Variants in SEZ6L2 observed in about 807,000 individuals in gnomAD.
SEZ6L2 encodes seizure related 6 homolog like 2.
Under a neutral mutation model 97.0 loss-of-function variants are expected in SEZ6L2, and 44 were observed. The observed-to-expected ratio is 0.45, with a 90% CI of 0.36 to 0.58. SEZ6L2 has a LOEUF of 0.58. SEZ6L2 is among the 20% of genes least tolerant of loss of function. SEZ6L2 has a pLI of 0.00. For synonymous variants in SEZ6L2, 543 were observed against 546.1 expected, an observed-to-expected ratio of 0.99 and a Z score of 0.08; for missense variants, 1,086 against 1,233.3, an observed-to-expected ratio of 0.88 and a Z score of 1.79.
At chr16:29,879,779 C>T in intron 9 of SEZ6L2, 85 bp downstream of exon 9, 1 of 1,256,338 alleles carries the variant, frequency 8.0e-7, no homozygotes, top group Non-Finnish European at 1.1e-6. Flanking sequence ...GATGTGCAGC[C>T]TTCCTTTCTG....
chr16:29,872,789 GGAGGA>G, intron 14 of SEZ6L2, 46 bp from the exon 15 acceptor site: 1 of 1,527,426 alleles, frequency 6.5e-7, no homozygotes, highest in Admixed American at 1.7e-5. Context: ...GCCAGGGAGG[GGAGGA>G]GGCTGGGAGG....
intron 5 of SEZ6L2, among the ~76,000 whole-genome samples, chr16:29,895,048 G>A (rs924799952): frequency 1.3e-5 from 2 of 151,876 alleles, no homozygotes; most frequent in African/African-American, 2.4e-5. Flanking sequence ...GCATGGTGGC[G>A]GGCGTCTGTA....
At chr16:29,871,838 G>T in intron 17 of SEZ6L2, 110 bp from the exon 18 acceptor site, 1 of 923,464 alleles carries the variant, frequency 1.1e-6, no homozygotes, top group Non-Finnish European at 1.7e-6. Context: ...TTGACCTCTA[G>T]GGGCTGGGGG....
intron 8 of SEZ6L2, among the ~76,000 whole-genome samples, chr16:29,885,278 A>G (rs573509459): frequency 1.3e-5 from 2 of 152,298 alleles, no homozygotes; most frequent in South Asian, 4.1e-4. Flanking sequence ...TATGTCCATC[A>G]CACAGGGAAA....
chr16:29,872,146 G>C, intron 17 of SEZ6L2, 41 bp downstream of exon 17: 1 of 1,479,870 alleles, frequency 6.8e-7, no homozygotes, highest in South Asian at 1.3e-5. Flanking sequence ...AGTCCTGGGA[G>C]AGCCAAGTGG....
At chr16:29,898,281 G>T (rs564396006) in intron 1 of SEZ6L2, among the ~76,000 whole-genome samples, 2 of 152,128 alleles carry the variant, frequency 1.3e-5, no homozygotes, top group African/African-American at 4.8e-5. Flanking sequence ...AGGGGTCGCC[G>T]GTGCTGCCTT....
In SEZ6L2 at chr16:29,871,684, C is replaced by A; in HGVS notation, c.*15G>T. 1 of 1,607,676 alleles carries A rather than the reference C, an allele frequency of 6.2e-7. No homozygotes were observed. The highest frequency in any genetic ancestry group is 1.3e-5 in the African/African-American group (1 of 74,910). On this transcript the variant is annotated 3_prime_UTR_variant, in exon 18 of 18. Coordinates refer to ENST00000617533, the MANE Select transcript of SEZ6L2 (RefSeq NM_001243332.2). ...GGGAGGGGCGTCCTGGGTCCTGCAG[C>A]TGTAGTCTTGGGGTTCAGATGGAAA...
At chr16:29,882,256 C>T (rs1008877404) in intron 8 of SEZ6L2, among the ~76,000 whole-genome samples, 4 of 151,950 alleles carry the variant, frequency 2.6e-5, no homozygotes, top group African/African-American at 9.7e-5. Context: ...CAGGCATGAG[C>T]CACTGTGCCC....
At chr16:29,885,516 G>A (rs1037905374) in intron 8 of SEZ6L2, 70 bp downstream of exon 8, 5 of 1,516,968 alleles carry the variant, frequency 3.3e-6, no homozygotes, top group Admixed American at 3.5e-5. Flanking sequence ...TTGTGCTTCC[G>A]ACTATGCTTG....
At chr16:29,880,748 C>T (rs921119589) in intron 8 of SEZ6L2, among the ~76,000 whole-genome samples, 1 of 151,626 alleles carries the variant, frequency 6.6e-6, no homozygotes, top group Non-Finnish European at 1.5e-5. Context: ...TGAGTCACTG[C>T]GCCCAGCCTG....
chr16:29,895,050 G>A (rs1215337186), intron 5 of SEZ6L2, among the ~76,000 whole-genome samples: 2 of 151,954 alleles, frequency 1.3e-5, no homozygotes, highest in Non-Finnish European at 2.9e-5. Context: ...ATGGTGGCGG[G>A]CGTCTGTAGT....
At chr16:29,894,817 G>A (rs1313676049) in intron 5 of SEZ6L2, among the ~76,000 whole-genome samples, 3 of 152,050 alleles carry the variant, frequency 2.0e-5, no homozygotes, top group Non-Finnish European at 2.9e-5. Flanking sequence ...TGAGGGCCCT[G>A]CCCCCCAGGG....
rs1232627342 is a variant in SEZ6L2, at chr16:29,879,943, C to G, written c.1494G>C (p.Glu498Asp). ...TFSCLPGYAL[E>D]PPGPPNAIEC... is the part of the protein sequence containing the mutation. ...CGATGGCATTGGGGGGCCCAGGGGGCTCCAGGGCATATCCTGGGAGGCACG... is the reference window on the plus strand; with the variant it reads ...CGATGGCATTGGGGGGCCCAGGGGGGTCCAGGGCATATCCTGGGAGGCACG... Residue 498 changes from glutamate (E) to aspartate (D), a missense_variant, in exon 9 of 18, where the codon GAG becomes GAC. Physicochemically the swap from Glu to Asp is conservative, Grantham distance 45. Transcript: ENST00000617533. The G allele has an allele frequency of 1.9e-6, 3 of 1,614,018 alleles. No homozygotes were observed. The highest frequency in any genetic ancestry group is 2.5e-6 in the Non-Finnish European group (3 of 1,180,004).
At chr16:29,896,735 C>T in intron 3 of SEZ6L2, 87 bp downstream of exon 3, 1 of 1,203,582 alleles carries the variant, frequency 8.3e-7, no homozygotes, top group Non-Finnish European at 1.2e-6. Context: ...AGGACTCCTT[C>T]CACAGTTCCC....
intron 10 of SEZ6L2, 109 bp from the exon 11 acceptor site, chr16:29,877,576 C>T: frequency 9.8e-7 from 1 of 1,025,302 alleles, no homozygotes; most frequent in Non-Finnish European, 1.4e-6. Context: ...ACTCTCCAGC[C>T]CCGCCCATAT....
At position 29,871,351 on chromosome 16, in the gene SEZ6L2, C is replaced by T. The variant is rs1596952140; in HGVS notation, c.*348G>A. On this transcript the variant is annotated 3_prime_UTR_variant, in exon 18 of 18. Coordinates refer to ENST00000617533, the MANE Select transcript of SEZ6L2 (RefSeq NM_001243332.2). Reference sequence around the variant, plus strand: ...ATCTGGGAGGGGGGCACCTTCGTGGCCAAGGGAACAGTAGAGCTATCGGGG... The same window carrying T: ...ATCTGGGAGGGGGGCACCTTCGTGGTCAAGGGAACAGTAGAGCTATCGGGG... 2.6e-6 allele frequency: 1 copy of T among 383,182 alleles called. No individual in the cohort carries two copies. Among genetic ancestry groups the T allele is most frequent in the East Asian group, 4.8e-5 (1 of 20,904 alleles). 23.7% of individuals were successfully genotyped at this position (383,182 alleles called of 1,614,324 possible). A position where few individuals can be genotyped will look rare whatever the true frequency, so the allele number is the denominator to read the frequency against.
At position 29,872,169 on chromosome 16, in the gene SEZ6L2, G is replaced by A. The variant is rs1483917338; in HGVS notation, c.2742+18C>T. 1 of 1,567,102 alleles carries A rather than the reference G, an allele frequency of 6.4e-7. No individual in the cohort carries two copies. The highest frequency in any genetic ancestry group is 8.7e-7 in the Non-Finnish European group (1 of 1,155,424). On this transcript the variant is annotated intron_variant, in intron 17 of 17. Transcript: ENST00000617533. Reference sequence around the variant, plus strand: ...GAGAGCCAAGTGGTGGCTCTTCAGGGGCAGGCAAGGTGCTTACCCCAGCTT... The same window carrying A: ...GAGAGCCAAGTGGTGGCTCTTCAGGAGCAGGCAAGGTGCTTACCCCAGCTT...
rs909996664 is a variant in SEZ6L2 at position 29,873,834 on chromosome 16, A to C, written c.2105-105T>G. 9.8e-6 allele frequency: 10 copies of C among 1,025,208 alleles called. No individual in the cohort carries two copies. The highest frequency in any genetic ancestry group is 1.4e-5 in the Non-Finnish European group (10 of 723,576). The allele number at this position is 1,025,208 out of a possible 1,614,324, so 63.5% of individuals were successfully genotyped here. A position where few individuals can be genotyped will look rare whatever the true frequency, so the allele number is the denominator to read the frequency against. ...ACAAAAAATTGAAAAATTAGCCAGG[A>C]GTGGTGGCGCACTCCTGTGGTTCCA... On this transcript the variant is annotated intron_variant, in intron 12 of 17. Transcript: ENST00000617533. This position sits in a 1 kb window ranked among gnomAD's most constrained non-coding sequence, Gnocchi z 4.3.
At chr16:29,885,324 C>T (rs769920228) in intron 8 of SEZ6L2, among the ~76,000 whole-genome samples, 2 of 152,090 alleles carry the variant, frequency 1.3e-5, no homozygotes, top group African/African-American at 2.4e-5. Flanking sequence ...AGGAAAGAAC[C>T]GAGATACTGA....
Sources: gnomAD v4.1 joint callset for allele counts (sites outside exome capture counted in the v4.1 genomes callset) on GRCh38, gnomAD v4.1.1 for gene constraint, Gnocchi (gnomAD v3.1) non-coding constraint, MANE v1.5 for transcripts, NCBI Gene and HGNC (gene_info 2026-07-23, HGNC 2026-07-21) for gene names.